MED1: variants seen among roughly 807,000 people sequenced by gnomAD.
MED1 encodes the protein mediator complex subunit 1.
In MED1, 17 loss-of-function variants were observed where a neutral mutation model predicts 121.3. That is an observed-to-expected ratio of 0.14 (90% CI 0.10 to 0.21). The LOEUF (loss-of-function observed/expected upper bound fraction) is 0.21, where lower values mean the gene tolerates loss of function less well. Among genes scored for constraint, MED1 ranks in the 10% least tolerant of loss-of-function variants. The probability of loss-of-function intolerance (pLI) is 1.00; values close to 1 mark genes in which losing one functional copy is unlikely to be tolerated. For missense variants in MED1, 1,558 were observed against 1,919.4 expected, an observed-to-expected ratio of 0.81 and a Z score of 3.52; for synonymous variants, 661 against 694.4, an observed-to-expected ratio of 0.95 and a Z score of 0.76.
At position 39,440,436 on chromosome 17, in the gene MED1, C is replaced by A. The variant is rs754699288; in HGVS notation, c.349G>T (p.Ala117Ser). 13 of 1,593,250 alleles carry A rather than the reference C, an allele frequency of 8.2e-6. No homozygotes were observed. In the East Asian group the frequency reaches 2.0e-4, roughly 25 times the overall value. Residue 117 changes from alanine to serine, a missense_variant, in exon 5 of 17, where the codon GCA (alanine) becomes TCA (serine). This residue lies in a region of MED1 where 443 missense variants were observed against 532.4 expected (regional missense o/e 0.83). Coordinates refer to ENST00000300651, the MANE Select transcript of MED1 (RefSeq NM_004774.4). This position sits in a 1 kb window ranked among gnomAD's most constrained non-coding sequence, Gnocchi z 4.1. Reference protein sequence around the residue: ...MFYVEVQLDPAGQLCDVKVAH... With the variant: ...MFYVEVQLDPSGQLCDVKVAH... ...ACTTTTACATCACAAAGCTGTCCTGCAGGATCTAACTGCACTTCCACATAG... is the reference window on the plus strand; with the variant it reads ...ACTTTTACATCACAAAGCTGTCCTGAAGGATCTAACTGCACTTCCACATAG...
chr17:39,413,836 C>T (rs543691841), intron 16 of MED1, among the ~76,000 whole-genome samples: 21 of 148,436 alleles, frequency 1.4e-4, no homozygotes, highest in African/African-American at 5.2e-4. Context: ...TTATGGCTTT[C>T]TCCTGCCTTA....
At chr17:39,449,235 C>T (rs1022815498) in intron 1 of MED1, among the ~76,000 whole-genome samples, 1 of 152,128 alleles carries the variant, frequency 6.6e-6, no homozygotes, top group African/African-American at 2.4e-5. Context: ...GGTTACAGTG[C>T]AGTGGCATGA....
rs55829399 is a variant in MED1 at position 39,414,634 on chromosome 17, CTTTTTT to C, written c.1499+386_1499+391del. 5.7e-3 allele frequency among the ~76,000 whole-genome samples: 353 copies of C among 61,568 alleles called. 91 individuals carry two copies. Among genetic ancestry groups the C allele is most frequent in the African/African-American group, 0.022 (331 of 15,304 alleles). The allele number at this position is 61,568 out of a possible 152,430, so 40.4% of individuals were successfully genotyped here. A position where few individuals can be genotyped will look rare whatever the true frequency, so the allele number is the denominator to read the frequency against. ...ACAGGCGTGAGCCACCAGGCCCGGC[CTTTTTT>C]TTTTTTTTTTTTTTTTTTTTTTTTT... On this transcript the variant is annotated intron_variant, in intron 16 of 16. Transcript: ENST00000300651.
At chr17:39,433,527 C>CCA (rs1555543559) in intron 7 of MED1, among the ~76,000 whole-genome samples, 2 of 144,346 alleles carry the variant, frequency 1.4e-5, no homozygotes, top group African/African-American at 5.1e-5. Context: ...TTTTTTGTTA[C>CCA]TATATATATA....
At chr17:39,435,220 T>G (rs1352309567) in intron 6 of MED1, among the ~76,000 whole-genome samples, 2 of 151,804 alleles carry the variant, frequency 1.3e-5, no homozygotes, top group Non-Finnish European at 2.9e-5. Context: ...TACAGCAACA[T>G]GAGAGCAAAG....
chr17:39,429,635 G>A (rs1184551884), intron 9 of MED1, among the ~76,000 whole-genome samples: 5 of 138,684 alleles, frequency 3.6e-5, no homozygotes, highest in African/African-American at 1.4e-4. Context: ...TGCAGAGGTT[G>A]CAATGAGCCA....
intron 14 of MED1, among the ~76,000 whole-genome samples, chr17:39,418,920 T>G (rs554000336): frequency 1.8e-4 from 27 of 152,110 alleles, no homozygotes; most frequent in Non-Finnish European, 1.0e-4. Context: ...CCCAAGTAGC[T>G]GGGACTACAG....
chr17:39,407,812 G>A lies in MED1; in HGVS notation c.4409C>T (p.Ser1470Phe). 6.2e-7 allele frequency: 1 copy of A among 1,614,150 alleles called. No homozygotes were observed. Among genetic ancestry groups the A allele is most frequent in the South Asian group, 1.1e-5 (1 of 91,082 alleles). ...ATTCTGATAAGATTTCTCTGCTATG[G>A]AGGAGCCTGACTCACTTTCACTGTC... is the stretch of plus-strand genomic sequence containing the variant. ...NLDSESESGS[S>F]IAEKSYQNSP... The change falls in exon 17 of 17, where the codon TCC becomes TTC. Residue 1470 changes from serine (S) to phenylalanine (F), a missense_variant. Around this residue, in one of 5 missense-constraint regions of MED1, gnomAD observed 264 missense variants for 326.1 expected, o/e 0.81. Transcript: ENST00000300651.
intron 1 of MED1, 24 bp from the exon 2 acceptor site, chr17:39,447,928 T>C (rs1406133443): frequency 6.8e-7 from 1 of 1,479,728 alleles, no homozygotes; most frequent in Non-Finnish European, 9.4e-7. Flanking sequence ...CAGAAAACGT[T>C]ATCAGTAACT....
intron 3 of MED1, among the ~76,000 whole-genome samples, chr17:39,442,257 T>C (rs975551343): frequency 2.0e-5 from 3 of 152,146 alleles, no homozygotes; most frequent in Admixed American, 2.0e-4. Flanking sequence ...TTTGCTTTCC[T>C]GGAAATTTGC....
intron 1 of MED1, 67 bp downstream of exon 1, chr17:39,450,971 A>T: frequency 3.4e-6 from 5 of 1,485,326 alleles, no homozygotes; most frequent in Non-Finnish European, 2.8e-6. Context: ...CATCTGCAAG[A>T]ACCTCCTCTC....
chr17:39,424,546 G>A (rs545504954), intron 11 of MED1, 81 bp downstream of exon 11: 2 of 843,864 alleles, frequency 2.4e-6, no homozygotes, highest in Non-Finnish European at 3.8e-6. Flanking sequence ...TTCAAGTGGG[G>A]TAACAGCCAG....
At chr17:39,422,422 C>T (rs1159515028) in intron 13 of MED1, among the ~76,000 whole-genome samples, 1 of 150,722 alleles carries the variant, frequency 6.6e-6, no homozygotes, top group Non-Finnish European at 1.5e-5. Flanking sequence ...CCTCGGCCTC[C>T]CAAAGTGCTG....
chr17:39,432,881 A>G (rs952857888), intron 7 of MED1, among the ~76,000 whole-genome samples: 4 of 152,194 alleles, frequency 2.6e-5, no homozygotes, highest in African/African-American at 9.6e-5. Flanking sequence ...CCTGACCAAC[A>G]TGGTAAAACC....
chr17:39,408,924 G>T lies in MED1; in HGVS notation c.3297C>A (p.Ser1099Arg). The T allele has an allele frequency of 6.2e-7, 1 of 1,614,136 alleles. No homozygotes were observed. The highest frequency in any genetic ancestry group is 8.5e-7 in the Non-Finnish European group (1 of 1,180,028). ...CAGATGAGGAAGAGGAGGAAGAATG[G>T]CTATGGTGGCTTTTGCTGCCTGAGG... is the stretch of plus-strand genomic sequence containing the variant. The part of the protein sequence containing the change: ...VSSSGSKSHH[S>R]HSSSSSSSAS... Residue 1099 changes from serine to arginine, a missense_variant, in exon 17 of 17, where the codon AGC becomes AGA. Physicochemically the swap from Ser to Arg is moderately radical, Grantham distance 110. Around this residue, in one of 5 missense-constraint regions of MED1, gnomAD observed 793 missense variants for 898.2 expected, o/e 0.88. Coordinates refer to ENST00000300651, the MANE Select transcript of MED1 (RefSeq NM_004774.4). The surrounding 1 kb of genome is among the most constrained non-coding windows in gnomAD (Gnocchi z 4.7).
Position 39,439,462 on chromosome 17 carries a change from C to T in MED1, c.400-269G>A, listed in dbSNP as rs550552321. Among the ~76,000 whole-genome samples the T allele has an allele frequency of 1.4e-4, 21 of 152,270 alleles. No individual in the cohort carries two copies. In the South Asian group the frequency reaches 3.9e-3, roughly 29 times the overall value. Reference sequence around the variant, plus strand: ...GTTTAAAACATTAGGAACTCTAATGCCATACATGGAATTCATATCAAATTA... The same window carrying T: ...GTTTAAAACATTAGGAACTCTAATGTCATACATGGAATTCATATCAAATTA... On this transcript the variant is annotated intron_variant, in intron 5 of 16. Coordinates refer to ENST00000300651, the MANE Select transcript of MED1 (RefSeq NM_004774.4).
chr17:39,419,600 GAA>G (rs369221829), intron 14 of MED1, 115 bp downstream of exon 14: 43 of 828,818 alleles, frequency 5.2e-5, no homozygotes, highest in Non-Finnish European at 6.2e-5. Flanking sequence ...TGCCAAATAT[GAA>G]AAAAAAAAAA....
chr17:39,444,377 C>T (rs745908833), intron 2 of MED1, among the ~76,000 whole-genome samples: 5 of 151,834 alleles, frequency 3.3e-5, no homozygotes, highest in Non-Finnish European at 5.9e-5. Flanking sequence ...CGTGGTGGTG[C>T]ACGCCTATAG....
rs549814966 is a variant in MED1 at position 39,419,363 on chromosome 17, A to G, written c.1297+354T>C. On this transcript the variant is annotated intron_variant, in intron 14 of 16. Transcript: ENST00000300651. ...AGTGCTGGGATTACAGGCGTGAGCC[A>G]CCACACCTGGCCATCATCTGTAGTG... is the stretch of plus-strand genomic sequence containing the variant. Among the ~76,000 whole-genome samples the G allele has an allele frequency of 5.3e-4, 81 of 151,796 alleles. 1 individual carries two copies. Among genetic ancestry groups the G allele is most frequent in the Admixed American group, 2.4e-3 (37 of 15,246 alleles).
Sources: gnomAD v4.1 joint callset for allele counts (sites outside exome capture counted in the v4.1 genomes callset) on GRCh38, gnomAD v4.1.1 for gene constraint, gnomAD v4.1.1 regional missense constraint, Gnocchi (gnomAD v3.1) non-coding constraint, MANE v1.5 for transcripts, NCBI Gene and HGNC (gene_info 2026-07-23, HGNC 2026-07-21) for gene names.